The following HERC1 variants were observed in gnomAD, a reference collection of about 807,000 sequenced individuals.
HERC1 encodes the protein HECT and RLD domain containing E3 ubiquitin protein ligase family member 1.
In HERC1, 160 loss-of-function variants were observed where a neutral mutation model predicts 554.3. That is an observed-to-expected ratio of 0.29 (90% CI 0.25 to 0.33). HERC1 has a LOEUF of 0.33. HERC1 is among the 10% of genes least tolerant of loss of function. The pLI is 1.00. For synonymous variants in HERC1, 2,175 were observed against 2,131.7 expected (o/e 1.02, Z -0.56); for missense variants, 4,919 against 5,918.5 (o/e 0.83, Z 5.54).
At chr15:63,679,278 G>T (rs770097548) in intron 36 of HERC1, among the ~76,000 whole-genome samples, 23 of 152,276 alleles carry the variant, frequency 1.5e-4, no homozygotes, top group Admixed American at 4.6e-4. Context: ...AGTTTTGGTT[G>T]TCCTGGCTGT....
At chr15:63,654,740 G>A (rs1462355784) in intron 50 of HERC1, among the ~76,000 whole-genome samples, 1 of 151,438 alleles carries the variant, frequency 6.6e-6, no homozygotes, top group African/African-American at 2.4e-5. Flanking sequence ...ATGGTGGCAC[G>A]TGCCTATAAT....
chr15:63,723,277 G>A lies in HERC1; in HGVS notation c.3647C>T (p.Pro1216Leu). 6.3e-7 allele frequency: 1 copy of A among 1,597,968 alleles called. No homozygotes were observed. Among genetic ancestry groups the A allele is most frequent in the Non-Finnish European group, 8.5e-7 (1 of 1,171,296 alleles). ...EQKPFDYKLR[P>L]EIAVYVDLAL... ...CAAGTCTACATAGACAGCAATTTCA[G>A]GCCGCAATTTATAATCAAAAGGCTT... The change falls in exon 19 of 78, where the codon CCT becomes CTT. Residue 1216 changes from proline to leucine, a missense_variant. This residue lies in a region of HERC1 where 1,121 missense variants were observed against 1,244.0 expected (regional missense o/e 0.90). Transcript: ENST00000443617.
Position 63,658,599 on chromosome 15 carries a change from G to A in HERC1, c.9544C>T (p.Gln3182Ter), listed in dbSNP as rs2152921955. The A allele has an allele frequency of 6.2e-7, 1 of 1,613,922 alleles. No homozygotes were observed. The highest frequency in any genetic ancestry group is 8.5e-7 in the Non-Finnish European group (1 of 1,179,806). The change falls in exon 48 of 78, where the codon CAG becomes TAG. Residue 3182 changes from glutamine (Q) to a stop codon, truncating the protein, a stop_gained. Coordinates refer to ENST00000443617, the MANE Select transcript of HERC1 (RefSeq NM_003922.4). LOFTEE classifies it high-confidence loss of function. ...VALRRVTAAA[Q>*]VLLARTMVMR... is the part of the protein sequence containing the mutation. ...ACCATGGTTCTGGCCAGAAGAACCTGAGCAGCAGCAGTCACTCTCCTTAAA... is the reference window on the plus strand; with the variant it reads ...ACCATGGTTCTGGCCAGAAGAACCTAAGCAGCAGCAGTCACTCTCCTTAAA...
chr15:63,790,071 T>C (rs2076591763), intron 1 of HERC1, among the ~76,000 whole-genome samples: 1 of 152,130 alleles, frequency 6.6e-6, no homozygotes, highest in Non-Finnish European at 1.5e-5. Context: ...AATTTCCCCA[T>C]GGCTCAATTT....
chr15:63,704,777 C>T (rs915253503), intron 25 of HERC1, among the ~76,000 whole-genome samples: 83 of 135,520 alleles, frequency 6.1e-4, no homozygotes, highest in African/African-American at 2.2e-3. Context: ...CTCGCTCTGT[C>T]GCCCAGGCTG....
chr15:63,714,735 G>A (rs1203801394), intron 22 of HERC1, among the ~76,000 whole-genome samples: 5 of 151,916 alleles, frequency 3.3e-5, no homozygotes, highest in African/African-American at 1.2e-4. Context: ...CTTTAGTAGA[G>A]ATGGGGTTTC....
chr15:63,688,234 CAGAATCTAG>C (rs1031897023), intron 33 of HERC1, among the ~76,000 whole-genome samples: 3 of 152,216 alleles, frequency 2.0e-5, no homozygotes, highest in African/African-American at 7.2e-5. Flanking sequence ...GACGAGCCAA[CAGAATCTAG>C]AGATTGTATG....
At chr15:63,745,319 C>T (rs8042937) in intron 12 of HERC1, among the ~76,000 whole-genome samples, 4,892 of 152,266 alleles carry the variant, frequency 0.032, 260 homozygotes, top group African/African-American at 0.11. Flanking sequence ...CAGTTCAGCA[C>T]TAGGACTCGC....
chr15:63,762,221 G>T lies in HERC1; in HGVS notation c.1026+1875C>A, dbSNP rs986643773. ...AAAATAACTTAGGAACCACCCTGAA[G>T]AGACTAATAGCCAAAAATGAAACAA... On this transcript the variant is annotated intron_variant, in intron 3 of 77. Coordinates refer to ENST00000443617, the MANE Select transcript of HERC1 (RefSeq NM_003922.4). Among the ~76,000 whole-genome samples, 3 of 152,204 alleles carry T rather than the reference G, an allele frequency of 2.0e-5. No homozygotes were observed. In the East Asian group the frequency reaches 5.8e-4, roughly 29 times the overall value.
chr15:63,830,648 T>A (rs1003344299), intron 1 of HERC1, among the ~76,000 whole-genome samples: 1 of 152,206 alleles, frequency 6.6e-6, no homozygotes, highest in African/African-American at 2.4e-5. Context: ...TTGTTAACAT[T>A]AGGGGGAGCT....
chr15:63,774,720 T>C lies in HERC1; in HGVS notation c.904A>G (p.Ile302Val), dbSNP rs773366677. The change falls in exon 2 of 78, where the codon ATA becomes GTA. Residue 302 changes from isoleucine (I) to valine (V), a missense_variant. Around this residue, in one of 11 missense-constraint regions of HERC1, gnomAD observed 744 missense variants for 1,090.0 expected, o/e 0.68. Transcript: ENST00000443617. ...AAAGAACGCCTCATCTGCATTAATATGGTCATAAAGCAGTCAAAGCTGATC... is the reference window on the plus strand; with the variant it reads ...AAAGAACGCCTCATCTGCATTAATACGGTCATAAAGCAGTCAAAGCTGATC... ...GMISFDCFMT[I>V]LMQMRRSLGS... 1.2e-5 allele frequency: 20 copies of C among 1,610,126 alleles called. No homozygotes were observed. The South Asian group carries it at 2.0e-4, about 16-fold the overall frequency.
chr15:63,830,203 T>C (rs2078108072), intron 1 of HERC1, among the ~76,000 whole-genome samples: 1 of 152,210 alleles, frequency 6.6e-6, no homozygotes, highest in African/African-American at 2.4e-5. Flanking sequence ...GTAACTTTAC[T>C]GTGAAGAATA....
intron 34 of HERC1, among the ~76,000 whole-genome samples, chr15:63,684,900 T>C (rs553253659): frequency 3.3e-5 from 5 of 152,230 alleles, no homozygotes; most frequent in South Asian, 2.1e-4. Context: ...TCCTAGCTAA[T>C]TGGGAGGCTG....
chr15:63,783,652 TACTTG>T (rs1282193991), intron 1 of HERC1, among the ~76,000 whole-genome samples: 1 of 152,232 alleles, frequency 6.6e-6, no homozygotes, highest in Non-Finnish European at 1.5e-5. Context: ...TATATGCCAG[TACTTG>T]ACAAATAAGG....
At position 63,776,610 on chromosome 15, in the gene HERC1, A is replaced by G. The variant is rs2076124045; in HGVS notation, c.-26-961T>C. The stretch of plus-strand genomic sequence containing the variant: ...AACTGACTGTGAGGAGCATGAGGAC[A>G]CTTCTTGAGATAATATTCTATGTCT... On this transcript the variant is annotated intron_variant, in intron 1 of 77. Transcript: ENST00000443617. 2.0e-5 allele frequency among the ~76,000 whole-genome samples: 3 copies of G among 152,202 alleles called. No homozygotes were observed. The South Asian group carries it at 6.2e-4, about 32-fold the overall frequency.
chr15:63,672,262 G>A lies in HERC1; in HGVS notation c.8045+234C>T, dbSNP rs10152416. Among the ~76,000 whole-genome samples the A allele has an allele frequency of 1.5e-3, 228 of 152,182 alleles. 3 individuals are homozygous for A. Among genetic ancestry groups the A allele is most frequent in the Middle Eastern group, 3.4e-3 (1 of 294 alleles). The stretch of plus-strand genomic sequence containing the variant: ...TGTTAGACTACTTGCTGGTCAGCAC[G>A]ACAGCTGATTAGACCTGGGATCACC... On this transcript the variant is annotated intron_variant, in intron 39 of 77. Coordinates refer to ENST00000443617, the MANE Select transcript of HERC1 (RefSeq NM_003922.4).
intron 1 of HERC1, among the ~76,000 whole-genome samples, chr15:63,784,911 T>C (rs772671626): frequency 6.6e-6 from 1 of 152,132 alleles, no homozygotes; most frequent in African/African-American, 2.4e-5. Context: ...GCCCCTGGCC[T>C]ATCAGTGCAA....
At chr15:63,651,225 A>G (rs749064556) in intron 53 of HERC1, 28 bp downstream of exon 53, 11 of 1,606,656 alleles carry the variant, frequency 6.8e-6, no homozygotes, top group Non-Finnish European at 8.5e-6. Context: ...TACTTTCAGC[A>G]GTTTACTAGT....
intron 75 of HERC1, 151 bp downstream of exon 75, chr15:63,616,279 G>A: frequency 1.3e-6 from 1 of 788,466 alleles, no homozygotes; most frequent in Non-Finnish European, 2.0e-6. Context: ...AACTGCTGCG[G>A]TTGAGCTGCT....
Sources: gnomAD v4.1 joint callset for allele counts (sites outside exome capture counted in the v4.1 genomes callset) on GRCh38, gnomAD v4.1.1 for gene constraint, gnomAD v4.1.1 regional missense constraint, MANE v1.5 for transcripts, NCBI Gene and HGNC (gene_info 2026-07-23, HGNC 2026-07-21) for gene names.